The following N4BP2L2 variants were observed in gnomAD, a reference collection of about 807,000 sequenced individuals.
N4BP2L2 encodes the protein NEDD4-binding protein 2-like 2.
In N4BP2L2, 50 loss-of-function variants were observed where a neutral mutation model predicts 56.2. The ratio of observed to expected loss-of-function variants is 0.89; its 90% CI spans 0.71 to 1.13. N4BP2L2 has a LOEUF of 1.13. Among genes scored for constraint, N4BP2L2 ranks in the 50% most tolerant of loss-of-function variants. The pLI is 0.00. For missense variants in N4BP2L2, 689 were observed against 693.8 expected (o/e 0.99, Z 0.08); for synonymous variants, 203 against 223.6 (o/e 0.91, Z 0.82).
At chr13:32,502,608 GAA>G (rs1235658831) in intron 6 of N4BP2L2, among the ~76,000 whole-genome samples, 1 of 152,144 alleles carries the variant, frequency 6.6e-6, no homozygotes, top group Non-Finnish European at 1.5e-5. Context: ...TAATTATGAG[GAA>G]AAGTTTCAGA....
intron 9 of N4BP2L2, among the ~76,000 whole-genome samples, chr13:32,433,302 G>A (rs2075040055): frequency 6.6e-6 from 1 of 152,182 alleles, no homozygotes; most frequent in Non-Finnish European, 1.5e-5. Flanking sequence ...CTCTCCTAAA[G>A]AACACAATTT....
intron 6 of N4BP2L2, among the ~76,000 whole-genome samples, chr13:32,469,582 C>A (rs2081920283): frequency 6.6e-6 from 1 of 152,176 alleles, no homozygotes. Context: ...GGGACCCCCA[C>A]CCCCACTGAG....
At chr13:32,469,663 A>G (rs1014873642) in intron 6 of N4BP2L2, among the ~76,000 whole-genome samples, 6 of 152,212 alleles carry the variant, frequency 3.9e-5, no homozygotes, top group Admixed American at 2.6e-4. Flanking sequence ...TCCGTCTCTG[A>G]GACGAAGGAG....
At chr13:32,495,308 G>A (rs2088289798) in intron 6 of N4BP2L2, among the ~76,000 whole-genome samples, 1 of 152,046 alleles carries the variant, frequency 6.6e-6, no homozygotes, top group Non-Finnish European at 1.5e-5. Flanking sequence ...ATATTCTCAA[G>A]GATCCTTAGT....
chr13:32,504,217 C>A (rs534198837), intron 6 of N4BP2L2, among the ~76,000 whole-genome samples: 1 of 152,330 alleles, frequency 6.6e-6, no homozygotes, highest in South Asian at 2.1e-4. Flanking sequence ...TCTCAACTAA[C>A]CAGTGTTAAG....
At chr13:32,478,157 C>T (rs380627) in intron 6 of N4BP2L2, 705,125 of 882,982 alleles carry the variant, frequency 0.8, 283,821 homozygotes, top group African/African-American at 0.84. Flanking sequence ...TCAATCTCAA[C>T]GAAGAACTTG....
chr13:32,486,501 C>T (rs1261637632), intron 6 of N4BP2L2, among the ~76,000 whole-genome samples: 1 of 151,174 alleles, frequency 6.6e-6, no homozygotes, highest in East Asian at 2.0e-4. Flanking sequence ...CATGGTGAAA[C>T]CCCATCTCTA....
chr13:32,437,506 G>A (rs756466978), intron 8 of N4BP2L2, among the ~76,000 whole-genome samples: 4 of 152,130 alleles, frequency 2.6e-5, no homozygotes, highest in Non-Finnish European at 5.9e-5. Context: ...CAGAACCCCA[G>A]CCACCCCCAC....
At chr13:32,473,662 C>A (rs915835186) in intron 6 of N4BP2L2, among the ~76,000 whole-genome samples, 2 of 152,176 alleles carry the variant, frequency 1.3e-5, no homozygotes, top group Non-Finnish European at 2.9e-5. Context: ...ATTTCCTTGT[C>A]CTTTCCAGTC....
chr13:32,529,928 GT>G (rs1376858017), intron 2 of N4BP2L2, among the ~76,000 whole-genome samples: 1 of 152,016 alleles, frequency 6.6e-6, no homozygotes, highest in Non-Finnish European at 1.5e-5. Flanking sequence ...GTTTCACCAT[GT>G]TGGCCAGGCT....
chr13:32,494,125 T>TA (rs1023237477), intron 6 of N4BP2L2, among the ~76,000 whole-genome samples: 12 of 151,230 alleles, frequency 7.9e-5, no homozygotes, highest in African/African-American at 1.5e-4. Flanking sequence ...TAAAAAAAAA[T>TA]AAAAAAAATT....
At chr13:32,512,172 T>C (rs1274433056) in exon 6 of N4BP2L2, 1 of 152,156 alleles carries the variant, frequency 6.6e-6, no homozygotes, top group Admixed American at 6.5e-5. Flanking sequence ...TTATTCTTTT[T>C]CCCTTAGTTA....
chr13:32,532,453 A>T (rs988708867), intron 2 of N4BP2L2, among the ~76,000 whole-genome samples: 2 of 152,176 alleles, frequency 1.3e-5, no homozygotes, highest in Non-Finnish European at 2.9e-5. Flanking sequence ...GGGGCTTTAA[A>T]TATTTTTCCA....
chr13:32,442,279 G>A lies in N4BP2L2; in HGVS notation c.2104+109C>T, dbSNP rs1593407633. 9.2e-6 allele frequency: 9 copies of A among 979,446 alleles called. No homozygotes were observed. The East Asian group carries it at 1.8e-4, about 20-fold the overall frequency. 60.7% of individuals were successfully genotyped at this position (979,446 alleles called of 1,614,324 possible). On this transcript the variant is annotated intron_variant, in intron 7 of 9. Transcript: ENST00000357505. ...CTCACTCACTGCTGAAAAGCATCAC[G>A]AGATTAATAAACTGCATGAGATCAC... is the stretch of plus-strand genomic sequence containing the variant.
At chr13:32,459,585 T>TA (rs2079632336) in intron 6 of N4BP2L2, among the ~76,000 whole-genome samples, 1 of 151,886 alleles carries the variant, frequency 6.6e-6, no homozygotes, top group South Asian at 2.1e-4. Context: ...CAAAAAGACA[T>TA]AAAAAACCTG....
At chr13:32,502,061 A>ATTTTT (rs368621196) in intron 6 of N4BP2L2, among the ~76,000 whole-genome samples, 2 of 125,420 alleles carry the variant, frequency 1.6e-5, no homozygotes, top group African/African-American at 3.1e-5. Flanking sequence ...CTACTACAGC[A>ATTTTT]TTTTTTTTTT....
At chr13:32,474,525 A>G (rs566067405) in intron 6 of N4BP2L2, among the ~76,000 whole-genome samples, 5 of 136,442 alleles carry the variant, frequency 3.7e-5, no homozygotes, top group Non-Finnish European at 5.1e-5. Flanking sequence ...CCCTGTCTCT[A>G]CTAAAAAAAA....
rs961307283 is a variant in N4BP2L2, at chr13:32,451,495, G to T, written c.366-7369C>A. On this transcript the variant is annotated intron_variant, in intron 6 of 9. Transcript: ENST00000357505. ...ACAAATTTGAAAATTTAAATGAAAT[G>T]TAATTTATACATTTATTTATAAATT... Among the ~76,000 whole-genome samples, 5 of 152,118 alleles carry T rather than the reference G, an allele frequency of 3.3e-5. No individual in the cohort carries two copies. The East Asian group carries it at 7.7e-4, about 23-fold the overall frequency.
chr13:32,467,104 C>T (rs374389958), intron 6 of N4BP2L2, among the ~76,000 whole-genome samples: 12 of 152,052 alleles, frequency 7.9e-5, no homozygotes, highest in African/African-American at 2.7e-4. Context: ...TCTCATAGAT[C>T]AAAAATAGTT....
Sources: allele counts gnomAD v4.1 joint callset (sites outside exome capture counted in the v4.1 genomes callset), GRCh38; gene constraint gnomAD v4.1.1; transcripts MANE v1.5; gene names NCBI Gene and HGNC (gene_info 2026-07-23, HGNC 2026-07-21).